TINAG: variants seen among roughly 807,000 people sequenced by gnomAD.
TINAG encodes the protein tubulointerstitial nephritis antigen.
A neutral mutation model predicts 72.7 loss-of-function variants in TINAG; 83 were observed. The ratio of observed to expected loss-of-function variants is 1.14; its 90% CI spans 0.96 to 1.37. TINAG has a LOEUF of 1.37. TINAG is among the 40% of genes most tolerant of loss of function. TINAG has a pLI of 0.00. For synonymous variants in TINAG, 234 were observed against 189.9 expected, an observed-to-expected ratio of 1.23 and a Z score of -1.91; for missense variants, 685 against 576.6, an observed-to-expected ratio of 1.19 and a Z score of -1.93.
At chr6:54,333,278 C>A (rs1017965337) in intron 4 of TINAG, among the ~76,000 whole-genome samples, 2 of 152,126 alleles carry the variant, frequency 1.3e-5, no homozygotes, top group African/African-American at 2.4e-5. Flanking sequence ...CCATGGAATA[C>A]TATGCAGCCA....
chr6:54,377,728 G>A (rs1211733137), intron 9 of TINAG, among the ~76,000 whole-genome samples: 1 of 151,944 alleles, frequency 6.6e-6, no homozygotes, highest in Non-Finnish European at 1.5e-5. Flanking sequence ...GAAAATATAT[G>A]CATATTTCTA....
At chr6:54,342,375 T>G (rs1185825585) in intron 4 of TINAG, among the ~76,000 whole-genome samples, 1 of 151,760 alleles carries the variant, frequency 6.6e-6, no homozygotes, top group Non-Finnish European at 1.5e-5. Flanking sequence ...TTTTTTTTTT[T>G]TGAGATGGAG....
At chr6:54,337,848 G>T (rs1784903674) in intron 4 of TINAG, among the ~76,000 whole-genome samples, 1 of 152,168 alleles carries the variant, frequency 6.6e-6, no homozygotes, top group Non-Finnish European at 1.5e-5. Context: ...GAGAGGCAGG[G>T]CCAGATGTTA....
intron 4 of TINAG, among the ~76,000 whole-genome samples, chr6:54,335,601 T>A (rs1316483600): frequency 6.6e-6 from 1 of 152,120 alleles, no homozygotes; most frequent in Admixed American, 6.6e-5. Flanking sequence ...GAACATGAAG[T>A]AAGAAAGAAC....
intron 9 of TINAG, among the ~76,000 whole-genome samples, chr6:54,356,722 T>A (rs1763050777): frequency 6.6e-6 from 1 of 151,864 alleles, no homozygotes; most frequent in South Asian, 2.1e-4. Context: ...TTACTTGAAT[T>A]TAATAAAATT....
chr6:54,364,780 C>T (rs1763355082), intron 9 of TINAG, among the ~76,000 whole-genome samples: 1 of 151,360 alleles, frequency 6.6e-6, no homozygotes. Context: ...ATCTATCTAT[C>T]TATCTATCTA....
rs1368377678 is a variant in TINAG at position 54,308,656 on chromosome 6, A to G, written c.106A>G (p.Thr36Ala). 1.9e-6 allele frequency: 3 copies of G among 1,613,722 alleles called. No homozygotes were observed. Among genetic ancestry groups the G allele is most frequent in the East Asian group, 2.2e-5 (1 of 44,890 alleles). The part of the protein sequence containing the change: ...QREVDLEAYF[T>A]RNHTVLQGTR... ...AGAAGTGGACCTAGAGGCTTATTTC[A>G]CTAGGAATCACACCGTTTTGCAAGG... Residue 36 changes from threonine to alanine, a missense_variant, in exon 1 of 11, where the codon ACT becomes GCT. Thr to Ala is a moderately conservative substitution (Grantham distance 58). Transcript: ENST00000259782.
At chr6:54,351,604 A>G (rs1015857601) in intron 8 of TINAG, among the ~76,000 whole-genome samples, 21 of 151,984 alleles carry the variant, frequency 1.4e-4, no homozygotes, top group Non-Finnish European at 2.7e-4. Flanking sequence ...TTCAGAAGAT[A>G]GACTCATTTA....
chr6:54,340,389 A>C (rs1163111743), intron 4 of TINAG, among the ~76,000 whole-genome samples: 1 of 147,574 alleles, frequency 6.8e-6, no homozygotes, highest in East Asian at 1.9e-4. Flanking sequence ...CTTTTGTTTT[A>C]TTAAGCAAAA....
intron 10 of TINAG, among the ~76,000 whole-genome samples, chr6:54,383,761 C>A (rs1048899954): frequency 1.3e-5 from 2 of 151,934 alleles, no homozygotes; most frequent in African/African-American, 4.8e-5. Context: ...GAATTTCAAT[C>A]TATAATTAGT....
At chr6:54,377,203 C>T (rs1763808528) in intron 9 of TINAG, among the ~76,000 whole-genome samples, 1 of 152,102 alleles carries the variant, frequency 6.6e-6, no homozygotes, top group Admixed American at 6.6e-5. Context: ...CCACTGTGCT[C>T]ACAAAGGTAT....
intron 9 of TINAG, among the ~76,000 whole-genome samples, chr6:54,373,205 T>C (rs1443145317): frequency 1.3e-5 from 1 of 79,710 alleles, no homozygotes; most frequent in Non-Finnish European, 3.3e-5. Flanking sequence ...CCCCACACTT[T>C]TCCATTTAAT....
At chr6:54,376,507 G>A (rs948288183) in intron 9 of TINAG, among the ~76,000 whole-genome samples, 17 of 151,876 alleles carry the variant, frequency 1.1e-4, no homozygotes, top group Admixed American at 1.1e-3. Context: ...GGGTGTATGG[G>A]CCTCATTGAC....
intron 9 of TINAG, among the ~76,000 whole-genome samples, chr6:54,373,178 G>A (rs1763682963): frequency 6.6e-6 from 1 of 150,666 alleles, no homozygotes; most frequent in Non-Finnish European, 1.5e-5. Flanking sequence ...TGACCCAACT[G>A]TTTCCCCTAC....
intron 10 of TINAG, among the ~76,000 whole-genome samples, chr6:54,382,542 A>G (rs1254869551): frequency 1.3e-5 from 2 of 152,126 alleles, no homozygotes; most frequent in Non-Finnish European, 2.9e-5. Flanking sequence ...TGTTTTGTGA[A>G]GAATTGTGAA....
In TINAG at chr6:54,329,024, A is replaced by G. The variant is rs139109864; in HGVS notation, c.624+2108A>G. ...TGGTGTACCTGAAGGTGACAGGGCG[A>G]ATAGAACCAAGTTGGAAAACACACT... On this transcript the variant is annotated intron_variant, in intron 4 of 10. Coordinates refer to ENST00000259782, the MANE Select transcript of TINAG (RefSeq NM_014464.4). 3.7e-3 allele frequency among the ~76,000 whole-genome samples: 565 copies of G among 152,274 alleles called. 6 individuals are homozygous for G. Among genetic ancestry groups the G allele is most frequent in the African/African-American group, 0.013 (535 of 41,572 alleles).
chr6:54,325,129 C>T (rs1310681008), intron 3 of TINAG, among the ~76,000 whole-genome samples: 1 of 152,214 alleles, frequency 6.6e-6, no homozygotes, highest in Non-Finnish European at 1.5e-5. Flanking sequence ...AGGTCATTCT[C>T]ATCCTTCCAG....
chr6:54,359,516 A>G (rs189967532), intron 9 of TINAG, among the ~76,000 whole-genome samples: 29 of 151,838 alleles, frequency 1.9e-4, no homozygotes, highest in African/African-American at 6.5e-4. Flanking sequence ...CTCTAATTCT[A>G]TATTCATTTA....
chr6:54,366,128 G>C (rs1763408411), intron 9 of TINAG, among the ~76,000 whole-genome samples: 2 of 151,702 alleles, frequency 1.3e-5, no homozygotes, highest in South Asian at 2.1e-4. Context: ...ATCCTCATGA[G>C]GTGGGAATTA....
Sources: gnomAD v4.1 joint callset for allele counts (sites outside exome capture counted in the v4.1 genomes callset) on GRCh38, gnomAD v4.1.1 for gene constraint, MANE v1.5 for transcripts, NCBI Gene and HGNC (gene_info 2026-07-23, HGNC 2026-07-21) for gene names.